LRRC1: variants seen among roughly 807,000 people sequenced by gnomAD.
LRRC1 encodes the protein leucine rich repeat containing 1.
LRRC1 carries 28 observed loss-of-function variants against 69.9 expected under a neutral mutation model. The ratio of observed to expected loss-of-function variants is 0.40; its 90% CI spans 0.30 to 0.55. LRRC1 has a LOEUF of 0.55. Among genes scored for constraint, LRRC1 ranks in the 20% least tolerant of loss-of-function variants. The pLI is 0.47. For missense variants in LRRC1, 498 were observed against 609.0 expected (o/e 0.82, Z 1.92); for synonymous variants, 236 against 240.2 (o/e 0.98, Z 0.16).
At chr6:53,832,518 C>T (rs763502278) in intron 1 of LRRC1, among the ~76,000 whole-genome samples, 1 of 152,180 alleles carries the variant, frequency 6.6e-6, no homozygotes, top group Non-Finnish European at 1.5e-5. Context: ...GTGAAAAATG[C>T]AACCTTATTG....
intron 1 of LRRC1, among the ~76,000 whole-genome samples, chr6:53,806,501 T>C (rs1029597521): frequency 1.3e-5 from 2 of 152,152 alleles, no homozygotes; most frequent in Admixed American, 1.3e-4. Flanking sequence ...CCTGGTCCTG[T>C]CCAACACTAG....
intron 1 of LRRC1, among the ~76,000 whole-genome samples, chr6:53,796,775 G>A (rs2127400360): frequency 6.6e-6 from 1 of 152,288 alleles, no homozygotes; most frequent in South Asian, 2.1e-4. Flanking sequence ...AAGCAGCAAA[G>A]CCATCAAGTT....
chr6:53,864,849 G>T (rs111420803), intron 2 of LRRC1, among the ~76,000 whole-genome samples: 3 of 152,124 alleles, frequency 2.0e-5, no homozygotes, highest in Admixed American at 2.0e-4. Context: ...GTCTAAAGTG[G>T]CAGTGACACC....
chr6:53,830,947 T>TA (rs371818975), intron 1 of LRRC1, among the ~76,000 whole-genome samples: 2 of 18,110 alleles, frequency 1.1e-4, no homozygotes, highest in South Asian at 2.3e-3. Context: ...TTATTATAAT[T>TA]TTATATATAT....
chr6:53,875,615 A>G (rs1581892215), intron 2 of LRRC1, among the ~76,000 whole-genome samples: 1 of 152,182 alleles, frequency 6.6e-6, no homozygotes, highest in African/African-American at 2.4e-5. Context: ...TTAAAAGTGC[A>G]CTACTTTGGA....
intron 2 of LRRC1, among the ~76,000 whole-genome samples, chr6:53,867,892 G>C (rs1351238810): frequency 6.6e-6 from 1 of 151,018 alleles, no homozygotes; most frequent in Non-Finnish European, 1.5e-5. Context: ...GATCAAGGCT[G>C]CAGTGAGCCA....
At chr6:53,854,883 G>GT (rs1163454406) in intron 2 of LRRC1, among the ~76,000 whole-genome samples, 1 of 152,186 alleles carries the variant, frequency 6.6e-6, no homozygotes, top group Non-Finnish European at 1.5e-5. Context: ...TTAAGCACAA[G>GT]TTTTTTAAAA....
At chr6:53,893,225 C>G (rs1325652079) in intron 4 of LRRC1, among the ~76,000 whole-genome samples, 1 of 152,148 alleles carries the variant, frequency 6.6e-6, no homozygotes, top group African/African-American at 2.4e-5. Context: ...GTATTATGCT[C>G]TAATTGCCAT....
chr6:53,825,626 C>A (rs1765233314), intron 1 of LRRC1, among the ~76,000 whole-genome samples: 1 of 152,052 alleles, frequency 6.6e-6, no homozygotes, highest in Non-Finnish European at 1.5e-5. Context: ...TGAGAGTCAC[C>A]CGGAGAACTT....
rs749767208 is a variant in LRRC1, at chr6:53,896,884, T to C, written c.559T>C (p.Tyr187His). 12 of 1,589,588 alleles carry C rather than the reference T, an allele frequency of 7.5e-6. No homozygotes were observed. The highest frequency in any genetic ancestry group is 3.3e-5 in the Admixed American group (2 of 59,838). ...EELDLGNNEI[Y>H]NLPESIGALL... ...ACTTGATTTAGGAAACAATGAAATA[T>C]ATAATTTGGTAAGTCCGTATTAGAG... Residue 187 changes from tyrosine (Y) to histidine (H), a missense_variant, in exon 6 of 14, where the codon TAT (tyrosine) becomes CAT (histidine). Transcript: ENST00000370888.
chr6:53,800,256 T>C (rs932347728), intron 1 of LRRC1, among the ~76,000 whole-genome samples: 88 of 139,566 alleles, frequency 6.3e-4, no homozygotes, highest in Non-Finnish European at 8.8e-4. Flanking sequence ...TCTTTTTTTT[T>C]TTTTTTTTTT....
rs1008640288 is a variant in LRRC1, at chr6:53,900,363, G to A, written c.787+472G>A. Among the ~76,000 whole-genome samples, 9 of 152,084 alleles carry A rather than the reference G, an allele frequency of 5.9e-5. No homozygotes were observed. The South Asian group carries it at 6.2e-4, about 11-fold the overall frequency. On this transcript the variant is annotated intron_variant, in intron 8 of 13. Transcript: ENST00000370888. ...TGCTGTTTGTTTTTAAAGAAGGAAA[G>A]CAAAGAGTATTTATTACAGCAGAAG...
chr6:53,807,643 G>GC (rs1764670147), intron 1 of LRRC1, among the ~76,000 whole-genome samples: 1 of 151,452 alleles, frequency 6.6e-6, no homozygotes, highest in African/African-American at 2.4e-5. Context: ...TACTTGGCAG[G>GC]CTGAGGCAGA....
chr6:53,915,486 G>T (rs1768535343), intron 11 of LRRC1, among the ~76,000 whole-genome samples: 2 of 152,272 alleles, frequency 1.3e-5, no homozygotes, highest in South Asian at 4.1e-4. Context: ...TTTACAGCTT[G>T]AGAAGGGTAC....
rs1174957075 is a variant in LRRC1 at position 53,810,488 on chromosome 6, T to TGGGCAC, written c.159+15074_159+15079dup. 3.9e-5 allele frequency among the ~76,000 whole-genome samples: 6 copies of TGGGCAC among 152,020 alleles called. No individual in the cohort carries two copies. The East Asian group carries it at 9.7e-4, about 25-fold the overall frequency. Reference sequence around the variant, plus strand: ...ACAAAAAATTAGCCGGGCGTGGTCGTGGGCACCTGTAGTCCCAGCTACTTG... The same window carrying TGGGCAC: ...ACAAAAAATTAGCCGGGCGTGGTCGTGGGCACGGGCACCTGTAGTCCCAGCTACTTG... On this transcript the variant is annotated intron_variant, in intron 1 of 13. Transcript: ENST00000370888.
intron 2 of LRRC1, among the ~76,000 whole-genome samples, chr6:53,849,102 A>G (rs1177672660): frequency 4.9e-5 from 7 of 143,312 alleles, no homozygotes; most frequent in Admixed American, 2.9e-4. Flanking sequence ...TTGTTGTGAT[A>G]GATCTGAGTT....
chr6:53,809,590 A>G (rs1057075305), intron 1 of LRRC1, among the ~76,000 whole-genome samples: 1 of 152,246 alleles, frequency 6.6e-6, no homozygotes, highest in Non-Finnish European at 1.5e-5. Flanking sequence ...TAAATACAGC[A>G]GAAGATATTT....
chr6:53,795,452 C>T (rs1252645543), intron 1 of LRRC1, 37 bp downstream of exon 1: 9 of 1,582,440 alleles, frequency 5.7e-6, no homozygotes, highest in South Asian at 3.5e-5. Context: ...TCTGCCCGCT[C>T]GTCTGCTGTC....
intron 1 of LRRC1, among the ~76,000 whole-genome samples, chr6:53,809,847 T>C (rs1419624576): frequency 6.6e-6 from 1 of 152,106 alleles, no homozygotes. Flanking sequence ...GAAACAGGTA[T>C]TTAGTTATCT....
Sources: gnomAD v4.1 joint callset for allele counts (sites outside exome capture counted in the v4.1 genomes callset) on GRCh38, gnomAD v4.1.1 for gene constraint, MANE v1.5 for transcripts, NCBI Gene and HGNC (gene_info 2026-07-23, HGNC 2026-07-21) for gene names.